The following SAMD4A variants were observed in gnomAD, a reference collection of about 807,000 sequenced individuals.
The protein encoded by SAMD4A is protein Smaug homolog 1.
A neutral mutation model predicts 81.3 loss-of-function variants in SAMD4A; 33 were observed. That is an observed-to-expected ratio of 0.41 (90% confidence interval 0.31 to 0.54). SAMD4A has a LOEUF of 0.54. Among genes scored for constraint, SAMD4A ranks in the 20% least tolerant of loss-of-function variants. The pLI, the probability that SAMD4A is intolerant of heterozygous loss-of-function variation, is 0.37. For missense variants in SAMD4A, 854 were observed against 951.1 expected, an observed-to-expected ratio of 0.90 and a Z score of 1.34; for synonymous variants, 389 against 382.1, an observed-to-expected ratio of 1.02 and a Z score of -0.21.
At chr14:54,622,416 C>T (rs1260072796) in intron 2 of SAMD4A, among the ~76,000 whole-genome samples, 4 of 152,194 alleles carry the variant, frequency 2.6e-5, no homozygotes, top group Non-Finnish European at 4.4e-5. Flanking sequence ...GTGATGTTAT[C>T]TTCAAATGAG....
intron 2 of SAMD4A, among the ~76,000 whole-genome samples, chr14:54,579,106 A>T (rs1220596925): frequency 6.6e-6 from 1 of 152,218 alleles, no homozygotes; most frequent in African/African-American, 2.4e-5. Context: ...TCTTCTTAGC[A>T]TGTTCTGTGT....
intron 2 of SAMD4A, among the ~76,000 whole-genome samples, chr14:54,590,487 T>C (rs2033745481): frequency 1.3e-5 from 2 of 152,146 alleles, no homozygotes; most frequent in Non-Finnish European, 2.9e-5. Flanking sequence ...TGAGGCCCTG[T>C]CTCAAAAAAT....
chr14:54,626,061 CGCGCGCGCGCGCGCGAGT>C (rs1566554455), intron 2 of SAMD4A, among the ~76,000 whole-genome samples: 5 of 86,376 alleles, frequency 5.8e-5, no homozygotes, highest in African/African-American at 2.6e-4. Flanking sequence ...TGTGTGTGTG[CGCGCGCGCGCGCGCGAGT>C]GCGCACATGT....
At chr14:54,589,668 G>A (rs998598571) in intron 2 of SAMD4A, among the ~76,000 whole-genome samples, 7 of 152,174 alleles carry the variant, frequency 4.6e-5, no homozygotes, top group Non-Finnish European at 1.0e-4. Context: ...AACATATACT[G>A]TGTTAGAGGT....
intron 2 of SAMD4A, among the ~76,000 whole-genome samples, chr14:54,679,791 A>T (rs1736679845): frequency 6.6e-6 from 1 of 152,194 alleles, no homozygotes; most frequent in Admixed American, 6.5e-5. Flanking sequence ...ACAACTCTGA[A>T]CTGACCCCTT....
chr14:54,588,534 A>C (rs77572753), intron 2 of SAMD4A, among the ~76,000 whole-genome samples: 1,942 of 152,142 alleles, frequency 0.013, 44 homozygotes, highest in African/African-American at 0.044. Flanking sequence ...GCTAACCATG[A>C]CATCCTTCTG....
chr14:54,656,992 C>T (rs1183420580), intron 2 of SAMD4A, among the ~76,000 whole-genome samples: 1 of 152,008 alleles, frequency 6.6e-6, no homozygotes, highest in South Asian at 2.1e-4. Flanking sequence ...TCCTCTCCCA[C>T]CCCGCCGGAG....
chr14:54,788,381 T>C (rs967633505), intron 12 of SAMD4A, among the ~76,000 whole-genome samples: 2 of 152,106 alleles, frequency 1.3e-5, no homozygotes, highest in African/African-American at 4.8e-5. Flanking sequence ...CTCTACTGCA[T>C]TCCCCATCCT....
chr14:54,779,344 A>G (rs2038941493), intron 11 of SAMD4A, among the ~76,000 whole-genome samples: 1 of 152,240 alleles, frequency 6.6e-6, no homozygotes, highest in Admixed American at 6.5e-5. Context: ...CCAAAAGTAG[A>G]TACTCGGAAA....
At chr14:54,732,777 G>A (rs116212944) in intron 3 of SAMD4A, among the ~76,000 whole-genome samples, 1,818 of 152,102 alleles carry the variant, frequency 0.012, 39 homozygotes, top group African/African-American at 0.042. Flanking sequence ...GAGATAGTTG[G>A]GCCAGTATCC....
At chr14:54,681,888 C>T (rs997465586) in intron 2 of SAMD4A, 3 of 985,276 alleles carry the variant, frequency 3.0e-6, no homozygotes, top group Admixed American at 1.2e-4. Flanking sequence ...CAGACCACTG[C>T]TCTGGAGGAT....
At chr14:54,681,387 G>A (rs188674257) in intron 2 of SAMD4A, among the ~76,000 whole-genome samples, 3 of 152,312 alleles carry the variant, frequency 2.0e-5, no homozygotes, top group Admixed American at 2.0e-4. Context: ...TTGTGTGTGT[G>A]TGTATTGATC....
chr14:54,749,220 A>AACCAT (rs1347648567), intron 5 of SAMD4A, among the ~76,000 whole-genome samples: 1 of 152,172 alleles, frequency 6.6e-6, no homozygotes, highest in Non-Finnish European at 1.5e-5. Context: ...GCCAGGGAGG[A>AACCAT]ATCGGTGGAT....
At chr14:54,708,504 G>T (rs771024582) in intron 3 of SAMD4A, among the ~76,000 whole-genome samples, 3 of 152,200 alleles carry the variant, frequency 2.0e-5, no homozygotes, top group Admixed American at 1.3e-4. Context: ...TTAATGCTAG[G>T]ACTAAATGAA....
At chr14:54,663,516 T>C (rs1046394775) in intron 2 of SAMD4A, among the ~76,000 whole-genome samples, 4 of 152,230 alleles carry the variant, frequency 2.6e-5, no homozygotes, top group African/African-American at 7.2e-5. Flanking sequence ...TTCTTCCTTA[T>C]AATTTTTCTC....
intron 2 of SAMD4A, among the ~76,000 whole-genome samples, chr14:54,608,450 G>A (rs906536375): frequency 3.3e-5 from 5 of 152,164 alleles, no homozygotes; most frequent in African/African-American, 9.7e-5. Context: ...TTAATCGTAT[G>A]CTCTCACATA....
chr14:54,709,408 G>C (rs992821269), intron 3 of SAMD4A, among the ~76,000 whole-genome samples: 1 of 151,752 alleles, frequency 6.6e-6, no homozygotes, highest in Non-Finnish European at 1.5e-5. Flanking sequence ...AATCTAATGA[G>C]AATCTACGTA....
intron 4 of SAMD4A, among the ~76,000 whole-genome samples, chr14:54,746,648 C>T (rs576475958): frequency 7.2e-5 from 11 of 152,300 alleles, no homozygotes; most frequent in African/African-American, 2.2e-4. Flanking sequence ...GTTTATAACA[C>T]GATTCAATAG....
chr14:54,612,688 C>T (rs1215363533), intron 2 of SAMD4A, among the ~76,000 whole-genome samples: 1 of 151,964 alleles, frequency 6.6e-6, no homozygotes, highest in Non-Finnish European at 1.5e-5. Flanking sequence ...TTCAAATGAC[C>T]CATTCAAAGC....
Sources: gnomAD v4.1 joint callset for allele counts (sites outside exome capture counted in the v4.1 genomes callset) on GRCh38, gnomAD v4.1.1 for gene constraint, MANE v1.5 for transcripts, NCBI Gene and HGNC (gene_info 2026-07-23, HGNC 2026-07-21) for gene names.